Variants in SMARCAD1 observed in about 807,000 individuals in gnomAD.
The protein encoded by SMARCAD1 is SWI/SNF-related matrix-associated actin-dependent regulator of chromatin subfamily A containing DEAD/H box 1.
Under a neutral mutation model 127.1 loss-of-function variants are expected in SMARCAD1, and 25 were observed. The observed-to-expected ratio is 0.20, with a 90% confidence interval of 0.14 to 0.27. The LOEUF is 0.27. SMARCAD1 is among the 10% of genes least tolerant of loss of function. The probability of loss-of-function intolerance (pLI) is 1.00; values close to 1 mark genes in which losing one functional copy is unlikely to be tolerated. For synonymous variants in SMARCAD1, 400 were observed against 396.9 expected, an observed-to-expected ratio of 1.01 and a Z score of -0.09; for missense variants, 807 against 1,206.0, an observed-to-expected ratio of 0.67 and a Z score of 4.90.
At chr4:94,238,841 A>T (rs565538551) in intron 5 of SMARCAD1, among the ~76,000 whole-genome samples, 1 of 152,168 alleles carries the variant, frequency 6.6e-6, no homozygotes, top group African/African-American at 2.4e-5. Context: ...ATCTTATTCA[A>T]CTTATTCATT....
At chr4:94,245,334 A>G (rs187936408) in intron 6 of SMARCAD1, among the ~76,000 whole-genome samples, 5 of 152,340 alleles carry the variant, frequency 3.3e-5, no homozygotes, top group African/African-American at 1.2e-4. Flanking sequence ...ATGCCATGAC[A>G]GTGTAATACA....
At chr4:94,217,537 AT>A (rs1017552533) in intron 2 of SMARCAD1, among the ~76,000 whole-genome samples, 6 of 152,078 alleles carry the variant, frequency 3.9e-5, no homozygotes, top group Non-Finnish European at 7.4e-5. Context: ...ACTGGCAGAA[AT>A]TTTGCTTGCA....
At chr4:94,229,576 A>C (rs893612267) in intron 3 of SMARCAD1, among the ~76,000 whole-genome samples, 1 of 151,972 alleles carries the variant, frequency 6.6e-6, no homozygotes, top group African/African-American at 2.4e-5. Context: ...TACTTCTCCT[A>C]CCTCAAGCCT....
At chr4:94,286,819 T>C (rs1755002359) in intron 23 of SMARCAD1, among the ~76,000 whole-genome samples, 2 of 152,226 alleles carry the variant, frequency 1.3e-5, no homozygotes, top group African/African-American at 4.8e-5. Flanking sequence ...TTTTTAGCTG[T>C]GCTCTCAAGC....
chr4:94,248,514 T>A (rs1748803611), intron 6 of SMARCAD1: 1 of 456,094 alleles, frequency 2.2e-6, no homozygotes. Flanking sequence ...AGTATGAATT[T>A]TGAAGATTTT....
intron 6 of SMARCAD1, among the ~76,000 whole-genome samples, chr4:94,241,396 C>T (rs1193361741): frequency 3.3e-5 from 5 of 152,120 alleles, no homozygotes; most frequent in Admixed American, 2.0e-4. Context: ...GAACTGTGTG[C>T]GTGTTCATCT....
At chr4:94,255,986 T>C (rs1374180596) in intron 9 of SMARCAD1, among the ~76,000 whole-genome samples, 2 of 152,198 alleles carry the variant, frequency 1.3e-5, no homozygotes, top group Non-Finnish European at 2.9e-5. Flanking sequence ...TGTACTGTTA[T>C]TGTGGTAAAA....
At position 94,264,998 on chromosome 4, in the gene SMARCAD1, G is replaced by A. The variant is rs1751521847; in HGVS notation, c.1481+92G>A. The A allele has an allele frequency of 4.8e-6, 6 of 1,257,626 alleles. No homozygotes were observed. In the South Asian group the frequency reaches 6.7e-5, roughly 14 times the overall value. The allele number at this position is 1,257,626 out of a possible 1,614,324, so 77.9% of individuals were successfully genotyped here. The stretch of plus-strand genomic sequence containing the variant: ...TGTATCGTGCCTAGAAAGTGATATG[G>A]CAACTAGTGGTAGGAGAGAACCCCC... On this transcript the variant is annotated intron_variant, in intron 10 of 23. Coordinates refer to ENST00000354268, the MANE Select transcript of SMARCAD1 (RefSeq NM_020159.5).
intron 21 of SMARCAD1, among the ~76,000 whole-genome samples, chr4:94,282,402 C>T (rs570554727): frequency 6.6e-5 from 10 of 151,972 alleles, no homozygotes; most frequent in East Asian, 2.0e-4. Flanking sequence ...GGCGCAAATA[C>T]GTTTTGAAAC....
At chr4:94,238,818 T>G (rs1465071026) in intron 5 of SMARCAD1, among the ~76,000 whole-genome samples, 1 of 152,196 alleles carries the variant, frequency 6.6e-6, no homozygotes, top group Non-Finnish European at 1.5e-5. Context: ...ATCTTTTTTC[T>G]CTTGAGCAAT....
chr4:94,271,701 C>T (rs1000300250), intron 11 of SMARCAD1, among the ~76,000 whole-genome samples: 3 of 152,002 alleles, frequency 2.0e-5, no homozygotes, highest in Non-Finnish European at 4.4e-5. Flanking sequence ...CAGAAATTAC[C>T]GAATATATGT....
Position 94,277,123 on chromosome 4 carries a change from C to T in SMARCAD1, c.2046C>T (p.Ser682=), listed in dbSNP as rs758314184. ...TTATGCCACACATGTTTAGTAGTAG[C>T]ACCAGTGAAATACGAAGAATGTTTT... The part of the protein sequence containing the change: ...NFVMPHMFSS[S]TSEIRRMFSS... Residue 682 remains serine, a synonymous_variant, in exon 16 of 24, where the codon AGC becomes AGT. Transcript: ENST00000354268. The T allele has an allele frequency of 8.7e-6, 14 of 1,613,880 alleles. No individual in the cohort carries two copies. Among genetic ancestry groups the T allele is most frequent in the Non-Finnish European group, 1.2e-5 (14 of 1,179,912 alleles).
intron 5 of SMARCAD1, among the ~76,000 whole-genome samples, chr4:94,239,538 G>T (rs963029658): frequency 6.6e-6 from 1 of 150,932 alleles, no homozygotes; most frequent in African/African-American, 2.4e-5. Flanking sequence ...ATGTTGTCCG[G>T]AGTCTCTCTA....
chr4:94,270,371 T>C (rs1360753633), intron 10 of SMARCAD1, among the ~76,000 whole-genome samples: 2 of 152,120 alleles, frequency 1.3e-5, no homozygotes, highest in East Asian at 1.9e-4. Flanking sequence ...TTTAATGTGC[T>C]AAAAATCAAA....
At chr4:94,268,915 C>T (rs1410865737) in intron 10 of SMARCAD1, among the ~76,000 whole-genome samples, 1 of 152,022 alleles carries the variant, frequency 6.6e-6, no homozygotes, top group Non-Finnish European at 1.5e-5. Flanking sequence ...ATTAAAATGT[C>T]TATGATAACA....
chr4:94,286,537 G>C (rs13135934), intron 23 of SMARCAD1, among the ~76,000 whole-genome samples: 57,534 of 151,932 alleles, frequency 0.38, 11,900 homozygotes, highest in East Asian at 0.71. Flanking sequence ...TCGAAAATCA[G>C]TTTCCATTCT....
chr4:94,213,520 G>A (rs568077849), intron 2 of SMARCAD1, among the ~76,000 whole-genome samples: 61 of 151,698 alleles, frequency 4.0e-4, no homozygotes, highest in Non-Finnish European at 6.3e-4. Flanking sequence ...TGTCAGGGAC[G>A]GTAGATCTTA....
At chr4:94,253,398 T>TA in intron 9 of SMARCAD1, 5 of 1,262,290 alleles carry the variant, frequency 4.0e-6, no homozygotes, top group Non-Finnish European at 5.1e-6. Context: ...GAAATTTTAC[T>TA]ACAACTACTT....
chr4:94,209,540 T>C (rs1741854498), intron 2 of SMARCAD1, among the ~76,000 whole-genome samples: 1 of 152,222 alleles, frequency 6.6e-6, no homozygotes, highest in Non-Finnish European at 1.5e-5. Flanking sequence ...TAATGTAGCC[T>C]GAAAGATTGG....
Sources: allele counts gnomAD v4.1 joint callset (sites outside exome capture counted in the v4.1 genomes callset), GRCh38; gene constraint gnomAD v4.1.1; transcripts MANE v1.5; gene names NCBI Gene and HGNC (gene_info 2026-07-23, HGNC 2026-07-21).